The following GABBR2 variants were observed in gnomAD, a reference collection of about 807,000 sequenced individuals.
GABBR2 encodes gamma-aminobutyric acid type B receptor subunit 2.
Under a neutral mutation model 105.6 loss-of-function variants are expected in GABBR2, and 23 were observed. The ratio of observed to expected loss-of-function variants is 0.22; its 90% confidence interval spans 0.16 to 0.31. GABBR2 has a LOEUF of 0.31. Ranked by LOEUF, GABBR2 falls within the 10% of genes least tolerant of loss-of-function variation. GABBR2 has a pLI of 1.00. For missense variants in GABBR2, 734 were observed against 1,245.5 expected (o/e 0.59, Z 6.18); for synonymous variants, 478 against 499.7 (o/e 0.96, Z 0.58).
intron 1 of GABBR2, among the ~76,000 whole-genome samples, chr9:98,585,639 A>G (rs1174937679): frequency 2.0e-5 from 3 of 152,060 alleles, no homozygotes; most frequent in South Asian, 4.2e-4. Flanking sequence ...CTTAAAGTAT[A>G]ATAATAATAA....
intron 13 of GABBR2, among the ~76,000 whole-genome samples, chr9:98,318,705 C>T (rs534888145): frequency 6.6e-6 from 1 of 152,296 alleles, no homozygotes; most frequent in Non-Finnish European, 1.5e-5. Flanking sequence ...GGCCAGTGCT[C>T]CTTTGAGGGA....
chr9:98,631,379 C>T (rs931602798), intron 1 of GABBR2, among the ~76,000 whole-genome samples: 1 of 152,182 alleles, frequency 6.6e-6, no homozygotes, highest in African/African-American at 2.4e-5. Flanking sequence ...TTATTTGCTG[C>T]TATGATCACA....
rs113747643 is a variant in GABBR2 at position 98,388,619 on chromosome 9, C to CTGTGTGTG, written c.1529+227_1529+234dup. Among the ~76,000 whole-genome samples the CTGTGTGTG allele has an allele frequency of 4.7e-3, 673 of 144,548 alleles. 4 individuals carry two copies. The highest frequency in any genetic ancestry group is 0.015 in the African/African-American group (573 of 39,216). The allele number at this position is 144,548 out of a possible 152,430, so 94.8% of individuals were successfully genotyped here. A position where few individuals can be genotyped will look rare whatever the true frequency, so the allele number is the denominator to read the frequency against. On this transcript the variant is annotated intron_variant, in intron 10 of 18. Transcript: ENST00000259455. This position sits in a 1 kb window ranked among gnomAD's most constrained non-coding sequence, Gnocchi z 4.4. ...TCCTGTGCAACCAGCAGCCTGGCCT[C>CTGTGTGTG]TGTGTGTGTGTGTGTGTGTGTGTGT...
At chr9:98,688,411 A>ATATATATATATATATATAT (rs397737112) in intron 1 of GABBR2, among the ~76,000 whole-genome samples, 29 of 148,230 alleles carry the variant, frequency 2.0e-4, no homozygotes, top group African/African-American at 2.7e-4. Flanking sequence ...ATATATATAT[A>ATATATATATATATATATAT]AAATCTCCAG....
rs888795240 is a variant in GABBR2, at chr9:98,355,656, G to T, written c.1893+7059C>A. On this transcript the variant is annotated intron_variant, in intron 13 of 18. Coordinates refer to ENST00000259455, the MANE Select transcript of GABBR2 (RefSeq NM_005458.8). Reference sequence around the variant, plus strand: ...GTAAGATGTCAATACTTCCCAACTTGATCTATACATTCAGTGTAATCCCAA... The same window carrying T: ...GTAAGATGTCAATACTTCCCAACTTTATCTATACATTCAGTGTAATCCCAA... 4.6e-5 allele frequency among the ~76,000 whole-genome samples: 7 copies of T among 152,268 alleles called. No homozygotes were observed. In the East Asian group the frequency reaches 1.4e-3, roughly 29 times the overall value.
chr9:98,653,201 G>T (rs905021926), intron 1 of GABBR2, among the ~76,000 whole-genome samples: 2 of 152,274 alleles, frequency 1.3e-5, no homozygotes, highest in African/African-American at 4.8e-5. Flanking sequence ...GTCTCTCTAT[G>T]TTACCTAGGC....
intron 3 of GABBR2, among the ~76,000 whole-genome samples, chr9:98,536,219 C>T (rs1461590590): frequency 6.6e-6 from 1 of 152,100 alleles, no homozygotes; most frequent in East Asian, 1.9e-4. Flanking sequence ...CTGGGAGTGG[C>T]AGGATCAGGG....
rs371253723 is a variant in GABBR2, at chr9:98,318,898, TGTGTGTGTGTGTGTGTTGGGG to T, written c.1894-7714_1894-7694del. On this transcript the variant is annotated intron_variant, in intron 13 of 18. Transcript: ENST00000259455. ...GTGCATGTAAATGTGAGTTTGTGTG[TGTGTGTGTGTGTGTGTTGGGG>T]GTGTGTGTGTGTGTGTGGTGTGTGT... Among the ~76,000 whole-genome samples, 439 of 132,042 alleles carry T rather than the reference TGTGTGTGTGTGTGTGTTGGGG, an allele frequency of 3.3e-3. 1 individual carries two copies. Among genetic ancestry groups the T allele is most frequent in the African/African-American group, 0.011 (420 of 37,162 alleles). The allele number at this position is 132,042 out of a possible 152,430, so 86.6% of individuals were successfully genotyped here.
chr9:98,602,599 C>T (rs1829356686), intron 1 of GABBR2, among the ~76,000 whole-genome samples: 1 of 152,068 alleles, frequency 6.6e-6, no homozygotes, highest in African/African-American at 2.4e-5. Flanking sequence ...CCTACAACTC[C>T]TCATTTTAAT....
Position 98,392,800 on chromosome 9 carries a change from G to A in GABBR2, c.1378+1375C>T, listed in dbSNP as rs552508414. On this transcript the variant is annotated intron_variant, in intron 9 of 18. Transcript: ENST00000259455. ...GACTAGACTGTCTGTTTGTCCATCC[G>A]TCCATCCACTGTCCATCTGTCTACT... Among the ~76,000 whole-genome samples the A allele has an allele frequency of 8.5e-5, 13 of 152,058 alleles. No homozygotes were observed. The South Asian group carries it at 1.7e-3, about 19-fold the overall frequency.
At chr9:98,340,251 T>C (rs2131405074) in intron 13 of GABBR2, among the ~76,000 whole-genome samples, 1 of 152,042 alleles carries the variant, frequency 6.6e-6, no homozygotes, top group Non-Finnish European at 1.5e-5. Context: ...TCTCTCTCAC[T>C]TCTTTGCCCT....
chr9:98,578,462 A>G (rs1178731042), intron 1 of GABBR2, among the ~76,000 whole-genome samples: 2 of 152,032 alleles, frequency 1.3e-5, no homozygotes, highest in Non-Finnish European at 2.9e-5. Context: ...GAAAACAACA[A>G]GTATTGGCAA....
chr9:98,300,286 T>A (rs1054618834), intron 16 of GABBR2, among the ~76,000 whole-genome samples: 1 of 151,456 alleles, frequency 6.6e-6, no homozygotes, highest in Admixed American at 6.6e-5. Context: ...CTCAGAGGAG[T>A]TAATCAGGAT....
At chr9:98,619,768 C>G (rs529437286) in intron 1 of GABBR2, among the ~76,000 whole-genome samples, 19 of 152,184 alleles carry the variant, frequency 1.2e-4, no homozygotes, top group Admixed American at 6.5e-4. Context: ...TTTCACTGAG[C>G]CTTTAGGGTT....
At chr9:98,493,765 TC>T (rs1326645391) in intron 4 of GABBR2, among the ~76,000 whole-genome samples, 3 of 152,226 alleles carry the variant, frequency 2.0e-5, no homozygotes, top group Non-Finnish European at 2.9e-5. Context: ...CCTTGTAGCC[TC>T]TGTTGCACTT....
chr9:98,649,095 GTCAGTT>G (rs1830069961), intron 1 of GABBR2, among the ~76,000 whole-genome samples: 1 of 152,134 alleles, frequency 6.6e-6, no homozygotes, highest in Non-Finnish European at 1.5e-5. Flanking sequence ...CCAAATCCAG[GTCAGTT>G]TCAAAGGCAG....
intron 4 of GABBR2, among the ~76,000 whole-genome samples, chr9:98,495,785 C>T (rs1339415035): frequency 6.6e-6 from 1 of 152,164 alleles, no homozygotes; most frequent in East Asian, 1.9e-4. Flanking sequence ...CCTTTGTTCC[C>T]AGGCCCCTTT....
intron 7 of GABBR2, among the ~76,000 whole-genome samples, chr9:98,443,602 T>A (rs2131589859): frequency 6.6e-6 from 1 of 152,302 alleles, no homozygotes; most frequent in East Asian, 1.9e-4. Flanking sequence ...GTTCACCAGT[T>A]ATGCACTGTG....
At chr9:98,660,043 T>A (rs1038630519) in intron 1 of GABBR2, among the ~76,000 whole-genome samples, 1 of 152,202 alleles carries the variant, frequency 6.6e-6, no homozygotes, top group African/African-American at 2.4e-5. Context: ...ATTTTTGGCC[T>A]TTTTCATCTA....
Sources: gnomAD v4.1 joint callset for allele counts (sites outside exome capture counted in the v4.1 genomes callset) on GRCh38, gnomAD v4.1.1 for gene constraint, Gnocchi (gnomAD v3.1) non-coding constraint, MANE v1.5 for transcripts, NCBI Gene and HGNC (gene_info 2026-07-23, HGNC 2026-07-21) for gene names.